Variants in LTBP1 observed in about 807,000 individuals in gnomAD.
The protein encoded by LTBP1 is latent transforming growth factor beta binding protein 1.
LTBP1 carries 129 observed loss-of-function variants against 207.6 expected under a neutral mutation model. That is an observed-to-expected ratio of 0.62 (90% CI 0.54 to 0.72). The LOEUF is 0.72. LTBP1 is among the 30% of genes least tolerant of loss of function. The pLI is 0.00. For missense variants in LTBP1, 2,281 were observed against 2,217.2 expected, an observed-to-expected ratio of 1.03 and a Z score of -0.58; for synonymous variants, 963 against 833.7, an observed-to-expected ratio of 1.16 and a Z score of -2.67.
In LTBP1 at chr2:33,333,129, A is replaced by G. The variant is rs991071438; in HGVS notation, c.3731-9709A>G. On this transcript the variant is annotated intron_variant, in intron 24 of 33. Transcript: ENST00000404816. ...GCAGGACAATGATATACTATATTTC[A>G]TCTTTCTAAAAAGATGCACATTTTT... 6.6e-5 allele frequency: 10 copies of G among 152,314 alleles called. No individual in the cohort carries two copies. In the East Asian group the frequency reaches 1.2e-3, roughly 18 times the overall value. 9.4% of individuals were successfully genotyped at this position (152,314 alleles called of 1,614,324 possible).
chr2:33,081,745 C>A (rs1034876526), intron 3 of LTBP1, among the ~76,000 whole-genome samples: 1 of 152,072 alleles, frequency 6.6e-6, no homozygotes, highest in Admixed American at 6.6e-5. Flanking sequence ...CCCCATATGT[C>A]GTGGGAGGGA....
intron 5 of LTBP1, among the ~76,000 whole-genome samples, chr2:33,174,736 A>G (rs922214254): frequency 2.0e-5 from 3 of 152,214 alleles, no homozygotes; most frequent in Admixed American, 6.5e-5. Context: ...TGGAGGCATC[A>G]CACTACCTGA....
At chr2:33,314,077 C>G (rs1235385507) in intron 23 of LTBP1, among the ~76,000 whole-genome samples, 1 of 152,186 alleles carries the variant, frequency 6.6e-6, no homozygotes, top group Non-Finnish European at 1.5e-5. Context: ...AGCACAATTA[C>G]ACTGAGGACA....
At chr2:33,258,365 G>A (rs553563162) in intron 12 of LTBP1, among the ~76,000 whole-genome samples, 2 of 152,274 alleles carry the variant, frequency 1.3e-5, no homozygotes, top group East Asian at 1.9e-4. Context: ...AATTCAGGGG[G>A]CCATTTTTGG....
At position 33,347,390 on chromosome 2, in the gene LTBP1, A is replaced by T. The variant is rs765918865; in HGVS notation, c.3880A>T (p.Ser1294Cys). 2 of 1,614,020 alleles carry T rather than the reference A, an allele frequency of 1.2e-6. No individual in the cohort carries two copies. Residue 1294 changes from serine to cysteine, a missense_variant, in exon 26 of 34, where the codon AGT becomes TGT. By Grantham distance (112) the Ser-to-Cys change is moderately radical. Coordinates refer to ENST00000404816, the MANE Select transcript of LTBP1 (RefSeq NM_206943.4). ...CVDVNECELL[S>C]GVCGEAFCEN... Reference sequence around the variant, plus strand: ...AGATGTGAATGAATGTGAACTGCTCAGTGGGGTGTGTGGTGAAGCCTTCTG... The same window carrying T: ...AGATGTGAATGAATGTGAACTGCTCTGTGGGGTGTGTGGTGAAGCCTTCTG...
At chr2:33,305,334 T>C (rs116415210) in intron 22 of LTBP1, among the ~76,000 whole-genome samples, 2,262 of 151,778 alleles carry the variant, frequency 0.015, 22 homozygotes, top group East Asian at 0.025. Context: ...AAAATATATA[T>C]ATATGATAAA....
At chr2:32,977,159 A>T (rs1301013278) in intron 2 of LTBP1, among the ~76,000 whole-genome samples, 1 of 152,226 alleles carries the variant, frequency 6.6e-6, no homozygotes, top group Non-Finnish European at 1.5e-5. Flanking sequence ...CTGCCTGGCT[A>T]CCGGCTTTGG....
chr2:33,149,216 C>T (rs1055436192), intron 5 of LTBP1, among the ~76,000 whole-genome samples: 2 of 96,908 alleles, frequency 2.1e-5, no homozygotes, highest in African/African-American at 8.0e-5. Context: ...CTCCGTCTCA[C>T]TCACAAAAAA....
At chr2:33,176,735 C>G (rs1428386876) in intron 5 of LTBP1, among the ~76,000 whole-genome samples, 1 of 152,074 alleles carries the variant, frequency 6.6e-6, no homozygotes, top group Non-Finnish European at 1.5e-5. Flanking sequence ...CAGGCTTGAG[C>G]CACTGTGCTT....
intron 3 of LTBP1, among the ~76,000 whole-genome samples, chr2:33,031,008 C>T (rs1311114704): frequency 6.6e-6 from 1 of 152,050 alleles, no homozygotes; most frequent in Non-Finnish European, 1.5e-5. Context: ...TCTAAGAGCT[C>T]TTTTCATATT....
intron 15 of LTBP1, among the ~76,000 whole-genome samples, chr2:33,268,149 G>C (rs997785417): frequency 6.6e-6 from 1 of 152,202 alleles, no homozygotes; most frequent in African/African-American, 2.4e-5. Flanking sequence ...ACTATACATA[G>C]TGATCTGCAT....
At chr2:33,151,109 G>A (rs1035311706) in intron 5 of LTBP1, among the ~76,000 whole-genome samples, 20 of 152,126 alleles carry the variant, frequency 1.3e-4, no homozygotes, top group Non-Finnish European at 1.9e-4. Flanking sequence ...ATGCAGTTCC[G>A]TTATTTGCAT....
chr2:33,389,500 A>C (rs757880246), intron 32 of LTBP1, among the ~76,000 whole-genome samples, 194 bp downstream of exon 32: 25 of 151,580 alleles, frequency 1.6e-4, no homozygotes, highest in Non-Finnish European at 2.7e-4. Flanking sequence ...GGTGAGTCTA[A>C]GAACCACTGC....
At chr2:33,383,885 A>G (rs141870479) in intron 31 of LTBP1, among the ~76,000 whole-genome samples, 175 of 152,296 alleles carry the variant, frequency 1.1e-3, no homozygotes, top group African/African-American at 4.0e-3. Context: ...TTTCTCTTAT[A>G]TTTGAAAATA....
Position 33,383,304 on chromosome 2 carries a change from G to C in LTBP1, c.4712-5880G>C, listed in dbSNP as rs192990839. ...GGAGGTGGAGATTGCAGTGAACCGA[G>C]ATTGCGCCACTGCACTCCATCCTGG... On this transcript the variant is annotated intron_variant, in intron 31 of 33. Transcript: ENST00000404816. Among the ~76,000 whole-genome samples, 1,184 of 152,370 alleles carry C rather than the reference G, an allele frequency of 7.8e-3. 4 individuals carry two copies. The highest frequency in any genetic ancestry group is 0.014 in the Middle Eastern group (4 of 294).
intron 24 of LTBP1, among the ~76,000 whole-genome samples, chr2:33,318,609 T>A (rs1174507984): frequency 1.3e-5 from 2 of 152,188 alleles, no homozygotes; most frequent in Non-Finnish European, 2.9e-5. Flanking sequence ...CAGACTTAGA[T>A]GTCAGGAAAT....
At chr2:33,397,546 C>T (rs139058756) in intron 33 of LTBP1, among the ~76,000 whole-genome samples, 2,538 of 93,382 alleles carry the variant, frequency 0.027, 75 homozygotes, top group African/African-American at 0.1. Context: ...TTACTCTTGT[C>T]GCCCAGGCTG....
intron 2 of LTBP1, among the ~76,000 whole-genome samples, chr2:32,962,972 C>T (rs1679369428): frequency 6.6e-6 from 1 of 152,254 alleles, no homozygotes; most frequent in Non-Finnish European, 1.5e-5. Context: ...TCCTCCCTTT[C>T]CACATCCCCC....
intron 4 of LTBP1, among the ~76,000 whole-genome samples, chr2:33,125,716 G>A (rs763491034): frequency 6.6e-6 from 1 of 152,062 alleles, no homozygotes; most frequent in East Asian, 1.9e-4. Flanking sequence ...TGTAGTCCCA[G>A]CTGCTCGGGA....
Sources: allele counts gnomAD v4.1 joint callset (sites outside exome capture counted in the v4.1 genomes callset), GRCh38; gene constraint gnomAD v4.1.1; transcripts MANE v1.5; gene names NCBI Gene and HGNC (gene_info 2026-07-23, HGNC 2026-07-21).